ADAMTS20: variants seen among roughly 807,000 people sequenced by gnomAD.
ADAMTS20 encodes the protein ADAM metallopeptidase with thrombospondin type 1 motif 20, also known as A disintegrin and metalloproteinase with thrombospondin motifs 20.
A neutral mutation model predicts 260.1 loss-of-function variants in ADAMTS20; 225 were observed. The observed-to-expected ratio is 0.87, with a 90% CI of 0.78 to 0.97. The LOEUF (loss-of-function observed/expected upper bound fraction) is 0.97, where lower values mean the gene tolerates loss of function less well. Ranked by LOEUF, ADAMTS20 falls within the 50% of genes least tolerant of loss-of-function variation. The pLI is 0.00. For synonymous variants in ADAMTS20, 802 were observed against 769.5 expected (o/e 1.04, Z -0.70); for missense variants, 2,400 against 2,337.7 (o/e 1.03, Z -0.55).
At chr12:43,472,704 T>C (rs1942285645) in intron 7 of ADAMTS20, among the ~76,000 whole-genome samples, 1 of 147,462 alleles carries the variant, frequency 6.8e-6, no homozygotes, top group Admixed American at 6.8e-5. Context: ...AGAAAAGAAT[T>C]TTCAAGCCAG....
At position 43,502,349 on chromosome 12, in the gene ADAMTS20, C is replaced by T. The variant is rs1476199231; in HGVS notation, c.670G>A (p.Asp224Asn). ...PFHTYSNMNE[D>N]LNVMKERVLG... Reference sequence around the variant, plus strand: ...ACTCTTTCTTTCATTACATTAAGATCTTCATTCATGTTGCTGTAGGTATGA... The same window carrying T: ...ACTCTTTCTTTCATTACATTAAGATTTTCATTCATGTTGCTGTAGGTATGA... Residue 224 changes from aspartate to asparagine, a missense_variant, in exon 4 of 39, where the codon GAT (aspartate) becomes AAT (asparagine). Transcript: ENST00000389420. The T allele has an allele frequency of 6.2e-7, 1 of 1,608,104 alleles. No individual in the cohort carries two copies. Among genetic ancestry groups the T allele is most frequent in the East Asian group, 2.2e-5 (1 of 44,584 alleles).
At chr12:43,399,726 CA>C (rs1297025319) in intron 28 of ADAMTS20, among the ~76,000 whole-genome samples, 2 of 152,096 alleles carry the variant, frequency 1.3e-5, no homozygotes, top group Non-Finnish European at 2.9e-5. Flanking sequence ...ATTTTTTTAA[CA>C]GCATTTCAGT....
At chr12:43,474,143 A>G (rs1457825393) in intron 7 of ADAMTS20, among the ~76,000 whole-genome samples, 2 of 150,072 alleles carry the variant, frequency 1.3e-5, no homozygotes, top group African/African-American at 2.5e-5. Context: ...ACAATAAAAA[A>G]TGATAAAGGG....
At chr12:43,386,437 C>G (rs577457376) in intron 29 of ADAMTS20, among the ~76,000 whole-genome samples, 6 of 152,258 alleles carry the variant, frequency 3.9e-5, no homozygotes, top group South Asian at 2.1e-4. Flanking sequence ...TCATTTCAAC[C>G]TTGGTGAATC....
chr12:43,540,531 C>T (rs556570305), intron 2 of ADAMTS20, among the ~76,000 whole-genome samples: 6 of 152,194 alleles, frequency 3.9e-5, no homozygotes, highest in African/African-American at 1.2e-4. Context: ...TTGCAGTGGA[C>T]TTTTTGTTCA....
At chr12:43,460,988 A>ATATTTTTTTTTTTT in intron 11 of ADAMTS20, among the ~76,000 whole-genome samples, 1 of 26,396 alleles carries the variant, frequency 3.8e-5, no homozygotes, top group African/African-American at 1.3e-4. Context: ...ATATATATAT[A>ATATTTTTTTTTTTT]TTTTTTTTTT....
At chr12:43,499,847 G>T (rs1385273730) in intron 4 of ADAMTS20, among the ~76,000 whole-genome samples, 1 of 151,998 alleles carries the variant, frequency 6.6e-6, no homozygotes, top group Non-Finnish European at 1.5e-5. Context: ...ACCTTTCTGA[G>T]GGTGGTGATG....
rs1301664050 is a variant in ADAMTS20, at chr12:43,439,693, A to C, written c.2522T>G (p.Leu841Trp). The change falls in exon 18 of 39, where the codon TTG (leucine) becomes TGG (tryptophan). Residue 841 changes from leucine to tryptophan, a missense_variant. By Grantham distance (61) the Leu-to-Trp change is moderately conservative. Coordinates refer to ENST00000389420, the MANE Select transcript of ADAMTS20 (RefSeq NM_025003.5). ...TGTGAACATGTCACTCCTCTCTTCC[A>C]AAGGGATATTGAAGGAATAATGTAC... The part of the protein sequence containing the change: ...PDVHYSFNIP[L>W]EERSDMFTWD... 1 of 1,613,856 alleles carries C rather than the reference A, an allele frequency of 6.2e-7. No homozygotes were observed. Among genetic ancestry groups the C allele is most frequent in the South Asian group, 1.1e-5 (1 of 91,074 alleles).
At chr12:43,481,468 T>A (rs545767797) in intron 7 of ADAMTS20, among the ~76,000 whole-genome samples, 10 of 152,318 alleles carry the variant, frequency 6.6e-5, no homozygotes, top group Admixed American at 1.3e-4. Flanking sequence ...CATCATTCTA[T>A]AAGAGATTTT....
In ADAMTS20 at chr12:43,522,449, C is replaced by T. The variant is rs552082975; in HGVS notation, c.613+9587G>A. On this transcript the variant is annotated intron_variant, in intron 3 of 38. Coordinates refer to ENST00000389420, the MANE Select transcript of ADAMTS20 (RefSeq NM_025003.5). ...AAGACATTTCATTTTCACTTCCATCCAGTCATCTGTTTATTGCTCTACAAA... is the reference window on the plus strand; with the variant it reads ...AAGACATTTCATTTTCACTTCCATCTAGTCATCTGTTTATTGCTCTACAAA... 2.0e-5 allele frequency among the ~76,000 whole-genome samples: 3 copies of T among 152,300 alleles called. No individual in the cohort carries two copies. In the South Asian group the frequency reaches 6.2e-4, roughly 32 times the overall value.
Position 43,464,657 on chromosome 12 carries a change from TGA to T in ADAMTS20, c.1441_1442del (p.Ser481ThrfsTer3). 6.2e-7 allele frequency: 1 copy of T among 1,613,494 alleles called. No individual in the cohort carries two copies. The highest frequency in any genetic ancestry group is 8.5e-7 in the Non-Finnish European group (1 of 1,179,498). ...CACACTGCTTGTTTCCATCATATCGTGATCCAGGAAGTTCTGAAGGCAGATTA... is the reference window on the plus strand; with the variant it reads ...CACACTGCTTGTTTCCATCATATCGTTCCAGGAAGTTCTGAAGGCAGATTA... ...IYNLPSELPG[S>X]RYDGNKQCEL... On this transcript the variant is annotated frameshift_variant, in exon 10 of 39. Transcript: ENST00000389420. LOFTEE classifies it high-confidence loss of function.
intron 7 of ADAMTS20, among the ~76,000 whole-genome samples, chr12:43,486,563 C>A (rs529864314): frequency 1.3e-5 from 2 of 152,040 alleles, no homozygotes; most frequent in South Asian, 4.2e-4. Flanking sequence ...GCAACAAAAA[C>A]AAAAATAAAT....
chr12:43,493,750 T>G (rs944067391), intron 4 of ADAMTS20, among the ~76,000 whole-genome samples: 5 of 152,256 alleles, frequency 3.3e-5, no homozygotes, highest in Admixed American at 2.6e-4. Context: ...TTACCTATTC[T>G]TTTCTGATAG....
intron 2 of ADAMTS20, among the ~76,000 whole-genome samples, chr12:43,541,233 C>T (rs148097474): frequency 6.6e-6 from 1 of 152,212 alleles, no homozygotes; most frequent in Admixed American, 6.5e-5. Flanking sequence ...TCATAAGAAT[C>T]AGTATGATGA....
intron 2 of ADAMTS20, among the ~76,000 whole-genome samples, chr12:43,548,668 A>G (rs1943472669): frequency 2.0e-5 from 3 of 152,170 alleles, no homozygotes; most frequent in Admixed American, 6.5e-5. Context: ...TTAAAAAGTC[A>G]CTAATCTCAT....
intron 3 of ADAMTS20, among the ~76,000 whole-genome samples, chr12:43,521,800 C>T (rs545411180): frequency 1.3e-5 from 2 of 152,174 alleles, no homozygotes; most frequent in African/African-American, 4.8e-5. Flanking sequence ...CCTCCCCAGA[C>T]TACACACACA....
chr12:43,484,706 A>G (rs1017359933), intron 7 of ADAMTS20, among the ~76,000 whole-genome samples: 1 of 152,188 alleles, frequency 6.6e-6, no homozygotes, highest in African/African-American at 2.4e-5. Context: ...AAATGGCCAA[A>G]CCTAGGAATT....
In ADAMTS20 at chr12:43,432,330, T is replaced by C; in HGVS notation, c.3070A>G (p.Ser1024Gly). The C allele has an allele frequency of 6.2e-7, 1 of 1,613,978 alleles. No individual in the cohort carries two copies. The highest frequency in any genetic ancestry group is 1.1e-5 in the South Asian group (1 of 91,076). ...TCGCTCCATTCACTAGCAGCCCAACTGGGACAGGAAAATTCATTGCAATTC... is the reference window on the plus strand; with the variant it reads ...TCGCTCCATTCACTAGCAGCCCAACCGGGACAGGAAAATTCATTGCAATTC... The part of the protein sequence containing the change: ...RENCNEFSCP[S>G]WAASEWSECL... The change falls in exon 21 of 39, where the codon AGT (serine) becomes GGT (glycine). Residue 1024 changes from serine (S) to glycine (G), a missense_variant. Ser to Gly is a moderately conservative substitution (Grantham distance 56). Transcript: ENST00000389420.
chr12:43,424,959 T>C (rs1273809359), intron 28 of ADAMTS20, among the ~76,000 whole-genome samples: 3 of 151,916 alleles, frequency 2.0e-5, no homozygotes, highest in Non-Finnish European at 4.4e-5. Context: ...GAAGACAAAG[T>C]GTATGCATCC....
Sources: gnomAD v4.1 joint callset for allele counts (sites outside exome capture counted in the v4.1 genomes callset) on GRCh38, gnomAD v4.1.1 for gene constraint, MANE v1.5 for transcripts, NCBI Gene and HGNC (gene_info 2026-07-23, HGNC 2026-07-21) for gene names.